Variants in BACH2 observed in about 807,000 individuals in gnomAD.
BACH2 encodes BACH transcriptional regulator 2, also known as transcription regulator protein BACH2.
BACH2 carries 5 observed loss-of-function variants against 61.8 expected under a neutral mutation model. The ratio of observed to expected loss-of-function variants is 0.08; its 90% CI spans 0.04 to 0.17. The LOEUF (loss-of-function observed/expected upper bound fraction) is 0.17. BACH2 is among the 10% of genes least tolerant of loss of function. BACH2 has a pLI of 1.00. For synonymous variants in BACH2, 446 were observed against 440.1 expected (o/e 1.01, Z -0.17); for missense variants, 824 against 1,091.1 (o/e 0.76, Z 3.45).
intron 1 of BACH2, among the ~76,000 whole-genome samples, chr6:90,277,688 C>T (rs914229740): frequency 6.6e-6 from 1 of 152,176 alleles, no homozygotes; most frequent in East Asian, 1.9e-4. Context: ...AAGAAACAGA[C>T]TTACAGGAAT....
At chr6:89,993,140 C>T (rs1243812126) in intron 6 of BACH2, among the ~76,000 whole-genome samples, 1 of 152,148 alleles carries the variant, frequency 6.6e-6, no homozygotes, top group Non-Finnish European at 1.5e-5. Context: ...CTTCTGGCCT[C>T]TAGAACTAAG....
chr6:90,266,398 T>C (rs141651288), intron 2 of BACH2, among the ~76,000 whole-genome samples: 1,703 of 152,298 alleles, frequency 0.011, 22 homozygotes, highest in Non-Finnish European at 0.014. Context: ...TGGGAGGTTC[T>C]TTTCAGCTGT....
chr6:90,096,458 T>C (rs1562441028), intron 4 of BACH2, among the ~76,000 whole-genome samples: 1 of 152,216 alleles, frequency 6.6e-6, no homozygotes, highest in Non-Finnish European at 1.5e-5. Flanking sequence ...ATTTACTGTA[T>C]AATTACCTAT....
At chr6:89,978,944 T>A (rs977159816) in intron 6 of BACH2, among the ~76,000 whole-genome samples, 2 of 152,198 alleles carry the variant, frequency 1.3e-5, no homozygotes, top group African/African-American at 4.8e-5. Flanking sequence ...AATTGTGAAC[T>A]CCGAGGGGGT....
intron 5 of BACH2, among the ~76,000 whole-genome samples, chr6:90,075,576 C>T (rs1463242035): frequency 3.9e-5 from 6 of 151,994 alleles, no homozygotes; most frequent in African/African-American, 1.5e-4. Context: ...GATACCCTGA[C>T]CCCAACAGAG....
At chr6:90,136,268 T>C (rs1445160154) in intron 4 of BACH2, among the ~76,000 whole-genome samples, 1 of 152,226 alleles carries the variant, frequency 6.6e-6, no homozygotes, top group Non-Finnish European at 1.5e-5. Context: ...AGTTCTATTA[T>C]GGATAAATAG....
chr6:90,074,539 T>C lies in BACH2; in HGVS notation c.-13+14422A>G, dbSNP rs11962568. 9.7e-3 allele frequency among the ~76,000 whole-genome samples: 1,474 copies of C among 152,282 alleles called. 22 individuals carry two copies. Among genetic ancestry groups the C allele is most frequent in the African/African-American group, 0.034 (1,424 of 41,546 alleles). On this transcript the variant is annotated intron_variant, in intron 5 of 8. Transcript: ENST00000257749. ...TCAAGGTCTACAGAAAAGTTTCCGC[T>C]ACAGCAGACATTATGGTAATGCAAA...
intron 1 of BACH2, among the ~76,000 whole-genome samples, chr6:90,288,984 T>G (rs570044985): frequency 6.6e-6 from 1 of 152,318 alleles, no homozygotes; most frequent in East Asian, 1.9e-4. Flanking sequence ...GTACTTCTTT[T>G]GCCTTTATAT....
At chr6:90,127,905 C>G (rs754654249) in intron 4 of BACH2, among the ~76,000 whole-genome samples, 3 of 152,310 alleles carry the variant, frequency 2.0e-5, no homozygotes, top group African/African-American at 7.2e-5. Context: ...GTAAAAACTA[C>G]GCAGTGCAAG....
chr6:90,005,884 A>G (rs1777378616), intron 6 of BACH2, among the ~76,000 whole-genome samples: 1 of 152,250 alleles, frequency 6.6e-6, no homozygotes, highest in South Asian at 2.1e-4. Context: ...CAGGGATGAT[A>G]ATCATTTTAC....
At chr6:90,296,226 A>G (rs1772376487) in intron 1 of BACH2, among the ~76,000 whole-genome samples, 2 of 152,046 alleles carry the variant, frequency 1.3e-5, no homozygotes, top group South Asian at 2.1e-4. Context: ...GGCCGCCGTA[A>G]ACAGCCGGGA....
intron 4 of BACH2, among the ~76,000 whole-genome samples, chr6:90,184,523 T>G (rs961038050): frequency 7.2e-5 from 11 of 152,188 alleles, no homozygotes; most frequent in African/African-American, 2.7e-4. Context: ...AGACTGGACT[T>G]TCTACTCTGA....
chr6:90,209,587 T>G (rs939583844), intron 3 of BACH2, among the ~76,000 whole-genome samples: 1 of 152,188 alleles, frequency 6.6e-6, no homozygotes, highest in Non-Finnish European at 1.5e-5. Flanking sequence ...CATGTCACAA[T>G]TCAATTTCTA....
chr6:90,151,254 T>C (rs1182906281), intron 4 of BACH2, among the ~76,000 whole-genome samples: 2 of 152,194 alleles, frequency 1.3e-5, no homozygotes, highest in African/African-American at 4.8e-5. Context: ...ATTTCGTGTG[T>C]CCCTTTCCTG....
At chr6:90,060,862 AC>A (rs1780649214) in intron 5 of BACH2, among the ~76,000 whole-genome samples, 1 of 151,928 alleles carries the variant, frequency 6.6e-6, no homozygotes. Context: ...CCCCATTTGC[AC>A]CCCCACATGA....
At chr6:89,959,096 TGC>T (rs1491378812) in intron 6 of BACH2, among the ~76,000 whole-genome samples, 1 of 106,802 alleles carries the variant, frequency 9.4e-6, no homozygotes, top group Non-Finnish European at 1.9e-5. Flanking sequence ...CATGCACAAG[TGC>T]ACACACACAC....
chr6:89,959,295 G>A (rs914439806), intron 6 of BACH2, among the ~76,000 whole-genome samples: 33 of 152,034 alleles, frequency 2.2e-4, no homozygotes, highest in African/African-American at 8.0e-4. Context: ...TTTTTGATTA[G>A]TAAAAAAAGG....
At chr6:89,978,481 C>T (rs984645280) in intron 6 of BACH2, among the ~76,000 whole-genome samples, 2 of 151,924 alleles carry the variant, frequency 1.3e-5, no homozygotes, top group Non-Finnish European at 2.9e-5. Context: ...ATAGGCTTCT[C>T]GCTCATAATT....
chr6:89,964,951 T>C (rs570111253), intron 6 of BACH2, among the ~76,000 whole-genome samples: 14 of 152,286 alleles, frequency 9.2e-5, no homozygotes, highest in African/African-American at 3.4e-4. Context: ...AGTGGCACAA[T>C]CTCGGCTAAC....
Sources: allele counts gnomAD v4.1 joint callset (sites outside exome capture counted in the v4.1 genomes callset), GRCh38; gene constraint gnomAD v4.1.1; transcripts MANE v1.5; gene names NCBI Gene and HGNC (gene_info 2026-07-23, HGNC 2026-07-21).